Variants in ALDH1L1 observed in about 807,000 individuals in gnomAD.
ALDH1L1 encodes cytosolic 10-formyltetrahydrofolate dehydrogenase.
In ALDH1L1, 68 loss-of-function variants were observed where a neutral mutation model predicts 101.1. The ratio of observed to expected loss-of-function variants is 0.67; its 90% CI spans 0.55 to 0.82. The LOEUF is 0.82. ALDH1L1 is among the 40% of genes least tolerant of loss of function. The pLI, the probability that ALDH1L1 is intolerant of heterozygous loss-of-function variation, is 0.00. For missense variants in ALDH1L1, 1,087 were observed against 1,172.7 expected (o/e 0.93, Z 1.07); for synonymous variants, 486 against 470.8 (o/e 1.03, Z -0.42).
rs193230773 is a variant in ALDH1L1 at position 126,105,420 on chromosome 3, C to T, written c.2653+306G>A. On this transcript the variant is annotated intron_variant, in intron 22 of 22. Transcript: ENST00000393434. ...CGGGCCCCTGGGTCTTCATGGCCAA[C>T]TCCTCCCTGCTATGCAGGTCTGGGT... 430 of 406,594 alleles carry T rather than the reference C, an allele frequency of 1.1e-3. 3 individuals carry two copies. The highest frequency in any genetic ancestry group is 8.1e-3 in the African/African-American group (397 of 48,872). 25.2% of individuals were successfully genotyped at this position (406,594 alleles called of 1,614,324 possible).
intron 18 of ALDH1L1, among the ~76,000 whole-genome samples, chr3:126,114,209 G>T (rs1259607582): frequency 1.3e-5 from 2 of 152,190 alleles, no homozygotes; most frequent in African/African-American, 4.8e-5. Context: ...CATCTGATTT[G>T]CCCTCTCATC....
intron 8 of ALDH1L1, 70 bp from the exon 9 acceptor site, chr3:126,146,996 A>G: frequency 7.0e-7 from 1 of 1,431,740 alleles, no homozygotes; most frequent in South Asian, 1.2e-5. Flanking sequence ...CAGGACAACA[A>G]CCCCTGAACA....
At chr3:126,187,407 A>T (rs1339809855) in intron 1 of ALDH1L1, among the ~76,000 whole-genome samples, 1 of 152,124 alleles carries the variant, frequency 6.6e-6, no homozygotes, top group Non-Finnish European at 1.5e-5. Context: ...ATGTTGGTAC[A>T]AGATCCCCCC....
chr3:126,186,772 C>A (rs914847480), intron 1 of ALDH1L1, among the ~76,000 whole-genome samples: 3 of 152,136 alleles, frequency 2.0e-5, no homozygotes, highest in Non-Finnish European at 2.9e-5. Flanking sequence ...GGGGAGTGGA[C>A]CAGAGGGATC....
intron 2 of ALDH1L1, chr3:126,159,405 C>T (rs116643826): frequency 0.025 from 11,227 of 456,560 alleles, 184 homozygotes; most frequent in Non-Finnish European, 0.036. Context: ...TTCCTGCAGT[C>T]GCTGTCCCCA....
At chr3:126,126,435 C>A (rs2080186082) in intron 14 of ALDH1L1, among the ~76,000 whole-genome samples, 1 of 152,196 alleles carries the variant, frequency 6.6e-6, no homozygotes, top group Admixed American at 6.5e-5. Flanking sequence ...GCCCCGTAGA[C>A]CACGCACAGG....
chr3:126,138,382 T>C (rs560256309), intron 9 of ALDH1L1, among the ~76,000 whole-genome samples: 1 of 152,286 alleles, frequency 6.6e-6, no homozygotes, highest in African/African-American at 2.4e-5. Flanking sequence ...CCAAATCACA[T>C]TATCTGATAA....
At chr3:126,175,753 A>C (rs2081355698) in intron 1 of ALDH1L1, among the ~76,000 whole-genome samples, 1 of 152,180 alleles carries the variant, frequency 6.6e-6, no homozygotes, top group African/African-American at 2.4e-5. Context: ...ATGGAGAGAA[A>C]CTAGAAGCTT....
At position 126,136,826 on chromosome 3, in the gene ALDH1L1, C is replaced by T; in HGVS notation, c.1282G>A (p.Gly428Arg). Residue 428 changes from glycine (G) to arginine (R), a missense_variant, in exon 11 of 23, where the codon GGG (glycine) becomes AGG (arginine). Gly to Arg is a moderately radical substitution (Grantham distance 125). This residue lies in a region of ALDH1L1 where 645 missense variants were observed against 637.0 expected (regional missense o/e 1.01). Transcript: ENST00000393434. ...GCGCCCTCGGCATCCACGAACTCCC[C>T]CCCAATGAAGAGCTGGTGGGGCATG... ...VRMPHQLFIG[G>R]EFVDAEGAKT... 3.1e-6 allele frequency: 5 copies of T among 1,610,066 alleles called. No individual in the cohort carries two copies. The highest frequency in any genetic ancestry group is 4.2e-6 in the Non-Finnish European group (5 of 1,178,338).
At chr3:126,153,171 C>T (rs2080837806) in intron 7 of ALDH1L1, 1 of 496,434 alleles carries the variant, frequency 2.0e-6, no homozygotes, top group African/African-American at 1.9e-5. Flanking sequence ...TGCCTGACAC[C>T]CACACAGGGC....
At chr3:126,187,545 G>A (rs561452918) in intron 1 of ALDH1L1, among the ~76,000 whole-genome samples, 71 of 152,240 alleles carry the variant, frequency 4.7e-4, no homozygotes, top group Non-Finnish European at 8.8e-4. Context: ...ACCCTGGGCC[G>A]TATTGAAGGC....
chr3:126,111,406 C>T (rs904189906), intron 19 of ALDH1L1, among the ~76,000 whole-genome samples: 5 of 152,250 alleles, frequency 3.3e-5, no homozygotes, highest in African/African-American at 1.2e-4. Context: ...TCCCACGAAG[C>T]CACCCGCTGC....
intron 1 of ALDH1L1, among the ~76,000 whole-genome samples, chr3:126,193,374 G>T (rs772639592): frequency 5.3e-5 from 8 of 152,126 alleles, no homozygotes; most frequent in Non-Finnish European, 8.8e-5. Context: ...CTCCATTTTT[G>T]TTTGGTTTGG....
chr3:126,132,952 A>T (rs1250067822), intron 12 of ALDH1L1, among the ~76,000 whole-genome samples: 1 of 152,224 alleles, frequency 6.6e-6, no homozygotes, highest in East Asian at 1.9e-4. Flanking sequence ...GGGCAAGGAG[A>T]GCCCATGCGT....
rs114166715 is a variant in ALDH1L1 at position 126,112,684 on chromosome 3, C to T, written c.2181+98G>A. 1.9e-3 allele frequency: 2,252 copies of T among 1,192,810 alleles called. 20 individuals are homozygous for T. The African/African-American group carries it at 0.023, about 12-fold the overall frequency. The allele number at this position is 1,192,810 out of a possible 1,614,324, so 73.9% of individuals were successfully genotyped here. A position where few individuals can be genotyped will look rare whatever the true frequency, so the allele number is the denominator to read the frequency against. On this transcript the variant is annotated intron_variant, in intron 19 of 22. Transcript: ENST00000393434. ...GTGTCCTCCAGGAGGAGCCCAGCCT[C>T]ACTTGACCCTGCCCTGTCTCCCCTC...
intron 21 of ALDH1L1, among the ~76,000 whole-genome samples, chr3:126,106,334 A>G (rs1171264613): frequency 6.6e-6 from 1 of 152,170 alleles, no homozygotes; most frequent in Non-Finnish European, 1.5e-5. Context: ...TTCTAATACC[A>G]CTGACATACG....
chr3:126,104,123 C>G, intron 22 of ALDH1L1: 1 of 524,886 alleles, frequency 1.9e-6, no homozygotes, highest in East Asian at 3.2e-5. Context: ...TGGGAAGCCC[C>G]TTCAGGTGGA....
intron 1 of ALDH1L1, among the ~76,000 whole-genome samples, chr3:126,170,446 T>TA (rs996830773): frequency 8.1e-6 from 1 of 123,894 alleles, no homozygotes; most frequent in African/African-American, 3.1e-5. Context: ...AAAAAAAAGT[T>TA]ACTTCTGTCT....
At position 126,136,896 on chromosome 3, in the gene ALDH1L1, C is replaced by T; in HGVS notation, c.1225-13G>A. 1 of 1,613,368 alleles carries T rather than the reference C, an allele frequency of 6.2e-7. No individual in the cohort carries two copies. Among genetic ancestry groups the T allele is most frequent in the Non-Finnish European group, 8.5e-7 (1 of 1,179,754 alleles). ...CTGCCATTTCCACCTGAAAGAAAGGCCCCAGTGACAAGCACAAACCCATGC... is the reference window on the plus strand; with the variant it reads ...CTGCCATTTCCACCTGAAAGAAAGGTCCCAGTGACAAGCACAAACCCATGC... On this transcript the variant is annotated splice_polypyrimidine_tract_variant and intron_variant, in intron 10 of 22. Coordinates refer to ENST00000393434, the MANE Select transcript of ALDH1L1 (RefSeq NM_012190.4).
Sources: gnomAD v4.1 joint callset for allele counts (sites outside exome capture counted in the v4.1 genomes callset) on GRCh38, gnomAD v4.1.1 for gene constraint, gnomAD v4.1.1 regional missense constraint, MANE v1.5 for transcripts, NCBI Gene and HGNC (gene_info 2026-07-23, HGNC 2026-07-21) for gene names.